The following COL28A1 variants were observed in gnomAD, a reference collection of about 807,000 sequenced individuals.
COL28A1 encodes collagen alpha-1(XXVIII) chain.
A neutral mutation model predicts 150.2 loss-of-function variants in COL28A1; 161 were observed. That is an observed-to-expected ratio of 1.07 (90% CI 0.94 to 1.22). The LOEUF (loss-of-function observed/expected upper bound fraction) is 1.22. Among genes scored for constraint, COL28A1 ranks in the 50% most tolerant of loss-of-function variants. COL28A1 has a pLI of 0.00. For missense variants in COL28A1, 1,617 were observed against 1,388.3 expected, an observed-to-expected ratio of 1.16 and a Z score of -2.62; for synonymous variants, 552 against 469.7, an observed-to-expected ratio of 1.18 and a Z score of -2.26.
chr7:7,515,723 G>A, intron 8 of COL28A1, 91 bp downstream of exon 8: 1 of 762,948 alleles, frequency 1.3e-6, no homozygotes, highest in Non-Finnish European at 2.3e-6. Context: ...CAAAAATAAA[G>A]AAAATAACTT....
intron 11 of COL28A1, among the ~76,000 whole-genome samples, chr7:7,498,250 G>C (rs1780326108): frequency 1.3e-5 from 2 of 152,062 alleles, no homozygotes; most frequent in Admixed American, 1.3e-4. Flanking sequence ...CTGAAAGGAA[G>C]GACCAGTCAG....
chr7:7,439,861 A>G (rs1785628060), intron 21 of COL28A1, among the ~76,000 whole-genome samples: 1 of 152,220 alleles, frequency 6.6e-6, no homozygotes, highest in Non-Finnish European at 1.5e-5. Context: ...TCCCCAGGTG[A>G]TACCGATGGA....
At position 7,521,844 on chromosome 7, in the gene COL28A1, G is replaced by A. The variant is rs1218549906; in HGVS notation, c.759+61C>T. 14 of 844,008 alleles carry A rather than the reference G, an allele frequency of 1.7e-5. No homozygotes were observed. In the East Asian group the frequency reaches 2.2e-4, roughly 13 times the overall value. 52.3% of individuals were successfully genotyped at this position (844,008 alleles called of 1,614,324 possible). A position where few individuals can be genotyped will look rare whatever the true frequency, so the allele number is the denominator to read the frequency against. On this transcript the variant is annotated intron_variant, in intron 5 of 34. Transcript: ENST00000399429. The stretch of plus-strand genomic sequence containing the variant: ...CAAAATAGCCCCGATGTTTTCAAGA[G>A]CGAGTAGAGCTATCATTGCTAGGAC...
chr7:7,434,559 G>A (rs1785207885), intron 23 of COL28A1, among the ~76,000 whole-genome samples: 2 of 152,176 alleles, frequency 1.3e-5, no homozygotes, highest in South Asian at 4.1e-4. Flanking sequence ...TCCAAACTTA[G>A]AACAAATTGT....
intron 33 of COL28A1, among the ~76,000 whole-genome samples, chr7:7,366,360 G>T (rs1307803812): frequency 2.0e-5 from 3 of 152,176 alleles, no homozygotes; most frequent in African/African-American, 7.2e-5. Context: ...AGACTTTGGA[G>T]TCAAGAGAAT....
At chr7:7,346,831 G>C in the COL28A1 span, among the ~76,000 whole-genome samples, 2 of 152,036 alleles carry the variant, frequency 1.3e-5, no homozygotes, top group African/African-American at 4.8e-5. Flanking sequence ...GGAAAAGGAA[G>C]ATAGCAAATA....
At chr7:7,344,019 A>G in the COL28A1 span, among the ~76,000 whole-genome samples, 4 of 151,780 alleles carry the variant, frequency 2.6e-5, no homozygotes, top group Non-Finnish European at 2.9e-5. Flanking sequence ...ATAAAAATAA[A>G]AAAAAAAATA....
chr7:7,419,221 CTCTT>C (rs1784266994), intron 26 of COL28A1, among the ~76,000 whole-genome samples: 1 of 152,186 alleles, frequency 6.6e-6, no homozygotes. Context: ...AGCTGAGTCA[CTCTT>C]TCTGATGGGA....
chr7:7,366,965 T>G (rs1417048530), intron 33 of COL28A1, among the ~76,000 whole-genome samples: 6 of 151,990 alleles, frequency 3.9e-5, no homozygotes, highest in Non-Finnish European at 7.3e-5. Flanking sequence ...ATATACTATG[T>G]GTGTGTGTGT....
chr7:7,405,581 GCTCA>G (rs554461832), intron 27 of COL28A1, among the ~76,000 whole-genome samples: 1 of 152,076 alleles, frequency 6.6e-6, no homozygotes, highest in South Asian at 2.1e-4. Flanking sequence ...TCTTATAAAA[GCTCA>G]CTGTCTTTAT....
chr7:7,515,814 C>T lies in COL28A1; in HGVS notation c.882G>A (p.Lys294=), dbSNP rs767511739. ...AATCTATTTGTTGTTACCAACTTACCTTGTCACCCTTGTACCCAGGAATTC... is the reference window on the plus strand; with the variant it reads ...AATCTATTTGTTGTTACCAACTTACTTTGTCACCCTTGTACCCAGGAATTC... ...PGGIPGYKGD[K]GERGECGKPG... Residue 294 remains lysine (K), a splice_region_variant and synonymous_variant, in exon 8 of 35, where the codon AAG becomes AAA. Transcript: ENST00000399429. The T allele has an allele frequency of 3.8e-6, 4 of 1,058,066 alleles. No homozygotes were observed. The Admixed American group carries it at 5.1e-5, about 14-fold the overall frequency. The allele number at this position is 1,058,066 out of a possible 1,614,324, so 65.5% of individuals were successfully genotyped here.
chr7:7,420,690 T>C (rs1215930965), intron 25 of COL28A1, among the ~76,000 whole-genome samples: 2 of 152,226 alleles, frequency 1.3e-5, no homozygotes, highest in African/African-American at 4.8e-5. Flanking sequence ...ATCACATATG[T>C]AGAAAATAAT....
At position 7,419,870 on chromosome 7, in the gene COL28A1, G is replaced by C. The variant is rs1784298220; in HGVS notation, c.2067+15C>G. On this transcript the variant is annotated intron_variant, in intron 26 of 34. Coordinates refer to ENST00000399429, the MANE Select transcript of COL28A1 (RefSeq NM_001037763.3). The stretch of plus-strand genomic sequence containing the variant: ...ATATCTGACCCTCACACAAAGCACT[G>C]AGCTGAGGACTCACCTTTGGCCCTT... 6.4e-7 allele frequency: 1 copy of C among 1,560,308 alleles called. No homozygotes were observed. The highest frequency in any genetic ancestry group is 1.4e-5 in the African/African-American group (1 of 72,490).
chr7:7,485,999 CT>C (rs1383204113), intron 13 of COL28A1, among the ~76,000 whole-genome samples: 1 of 152,148 alleles, frequency 6.6e-6, no homozygotes, highest in Non-Finnish European at 1.5e-5. Context: ...CAAAATCTTG[CT>C]GGGGTATCAA....
chr7:7,509,671 A>T (rs1745619195), intron 9 of COL28A1, among the ~76,000 whole-genome samples: 1 of 152,032 alleles, frequency 6.6e-6, no homozygotes, highest in African/African-American at 2.4e-5. Context: ...TTTGGTATGG[A>T]AAATAATGGG....
intron 14 of COL28A1, among the ~76,000 whole-genome samples, chr7:7,475,224 A>G (rs537237051): frequency 2.0e-5 from 3 of 152,330 alleles, no homozygotes; most frequent in South Asian, 2.1e-4. Flanking sequence ...TGTCCTTAAT[A>G]TAACGTATAT....
intron 19 of COL28A1, among the ~76,000 whole-genome samples, 156 bp from the exon 20 acceptor site, chr7:7,443,809 ATAAACT>A (rs2128322574): frequency 6.6e-6 from 1 of 152,306 alleles, no homozygotes; most frequent in Admixed American, 6.5e-5. Context: ...TTGGAAGTTT[ATAAACT>A]TGAAATAAAG....
Position 7,531,719 on chromosome 7 carries a change from T to C in COL28A1, c.310A>G (p.Ile104Val), listed in dbSNP as rs377460504. ...AALQFSSSVQ[I>V]DPPFSSWKDL... Reference sequence around the variant, plus strand: ...TTCCAGGAAGAAAAAGGTGGATCAATTTGGACAGAGCTGCTAAACTGAAGG... The same window carrying C: ...TTCCAGGAAGAAAAAGGTGGATCAACTTGGACAGAGCTGCTAAACTGAAGG... Residue 104 changes from isoleucine (I) to valine (V), a missense_variant, in exon 3 of 35, where the codon ATT becomes GTT. Transcript: ENST00000399429. 2.4e-5 allele frequency: 39 copies of C among 1,606,410 alleles called. No homozygotes were observed. In the African/African-American group the frequency reaches 4.9e-4, roughly 20 times the overall value.
chr7:7,477,405 G>A (rs766781379), intron 13 of COL28A1, among the ~76,000 whole-genome samples: 2 of 152,080 alleles, frequency 1.3e-5, no homozygotes, highest in Non-Finnish European at 2.9e-5. Context: ...CATTGTATTA[G>A]GTATTGTAAC....
Sources: allele counts gnomAD v4.1 joint callset (sites outside exome capture counted in the v4.1 genomes callset), GRCh38; gene constraint gnomAD v4.1.1; transcripts MANE v1.5; gene names NCBI Gene and HGNC (gene_info 2026-07-23, HGNC 2026-07-21).